The following DCC variants were observed in gnomAD, a reference collection of about 807,000 sequenced individuals.
DCC encodes the protein netrin receptor DCC.
In DCC, 58 loss-of-function variants were observed where a neutral mutation model predicts 172.5. The ratio of observed to expected loss-of-function variants is 0.34; its 90% CI spans 0.27 to 0.42. The LOEUF (loss-of-function observed/expected upper bound fraction) is 0.42, where lower values mean the gene tolerates loss of function less well. Ranked by LOEUF, DCC falls within the 10% of genes least tolerant of loss-of-function variation. DCC has a pLI of 1.00. For missense variants in DCC, 1,740 were observed against 1,791.0 expected (o/e 0.97, Z 0.51); for synonymous variants, 709 against 644.5 (o/e 1.10, Z -1.52).
chr18:53,431,469 T>G (rs1039626400), intron 21 of DCC, among the ~76,000 whole-genome samples: 2 of 125,780 alleles, frequency 1.6e-5, no homozygotes, highest in Non-Finnish European at 3.9e-5. Context: ...TACACTTTGT[T>G]TTTTGTTGTT....
intron 1 of DCC, among the ~76,000 whole-genome samples, chr18:52,490,282 G>A (rs1037439064): frequency 1.3e-5 from 2 of 152,060 alleles, no homozygotes; most frequent in South Asian, 2.1e-4. Context: ...AAAATAGGAA[G>A]TTTTCCTCTT....
intron 5 of DCC, among the ~76,000 whole-genome samples, chr18:52,926,945 G>T (rs2040215242): frequency 1.5e-5 from 1 of 67,054 alleles, no homozygotes. Flanking sequence ...AAACGTATAT[G>T]ATATATACAC....
chr18:53,515,362 G>A (rs1274022128), intron 27 of DCC, among the ~76,000 whole-genome samples: 1 of 150,490 alleles, frequency 6.6e-6, no homozygotes, highest in Non-Finnish European at 1.5e-5. Flanking sequence ...GGCAAAAACT[G>A]GAAGCATTCC....
At chr18:53,107,545 A>G (rs1364417460) in intron 7 of DCC, among the ~76,000 whole-genome samples, 7 of 151,268 alleles carry the variant, frequency 4.6e-5, no homozygotes, top group Non-Finnish European at 8.9e-5. Context: ...AGGAAGGAAA[A>G]AAAAAAAAAG....
At chr18:53,471,861 T>C (rs1488347341) in intron 25 of DCC, among the ~76,000 whole-genome samples, 1 of 152,196 alleles carries the variant, frequency 6.6e-6, no homozygotes, top group Non-Finnish European at 1.5e-5. Context: ...CATTTTTCTT[T>C]TTTAATGCAT....
chr18:52,631,666 A>T (rs1160709986), intron 1 of DCC, among the ~76,000 whole-genome samples: 1 of 152,190 alleles, frequency 6.6e-6, no homozygotes, highest in Admixed American at 6.5e-5. Context: ...CAGGTTTTAC[A>T]AATTTTGTCG....
Position 52,451,690 on chromosome 18 carries a change from A to G in DCC, c.91+110812A>G, listed in dbSNP as rs542848673. Among the ~76,000 whole-genome samples the G allele has an allele frequency of 4.0e-5, 6 of 150,226 alleles. No individual in the cohort carries two copies. In the East Asian group the frequency reaches 7.8e-4, roughly 19 times the overall value. On this transcript the variant is annotated intron_variant, in intron 1 of 28. Coordinates refer to ENST00000442544, the MANE Select transcript of DCC (RefSeq NM_005215.4). ...AGTGTGTGGGCGTGTGTGTGTATGT[A>G]TGTGTGTGTGTGTGTGTACCTAATG...
intron 1 of DCC, among the ~76,000 whole-genome samples, chr18:52,699,909 T>C (rs960313600): frequency 2.0e-5 from 3 of 152,174 alleles, no homozygotes; most frequent in Non-Finnish European, 2.9e-5. Context: ...TGGTCTTTAG[T>C]ATATTCACAG....
At chr18:53,408,025 G>A (rs924059731) in intron 19 of DCC, among the ~76,000 whole-genome samples, 1 of 151,954 alleles carries the variant, frequency 6.6e-6, no homozygotes, top group African/African-American at 2.4e-5. Context: ...TTTTAGTTTC[G>A]AAGCTCTCAA....
chr18:52,815,780 A>G (rs953422125), intron 2 of DCC, among the ~76,000 whole-genome samples: 7 of 152,358 alleles, frequency 4.6e-5, no homozygotes, highest in Middle Eastern at 3.4e-3. Flanking sequence ...ACTATGATAT[A>G]TCTCCAATGA....
intron 1 of DCC, chr18:52,409,287 A>G (rs928835707): frequency 2.0e-5 from 3 of 152,108 alleles, no homozygotes; most frequent in Admixed American, 6.6e-5. Context: ...TCCAAAGGCA[A>G]CTGATTCTGT....
chr18:52,911,670 A>T (rs1047705712), intron 3 of DCC, among the ~76,000 whole-genome samples: 2 of 151,876 alleles, frequency 1.3e-5, no homozygotes, highest in Non-Finnish European at 2.9e-5. Flanking sequence ...CACCCAAAAA[A>T]CGGAAGTGAA....
chr18:52,745,885 A>T (rs2036898688), intron 1 of DCC, among the ~76,000 whole-genome samples: 1 of 152,166 alleles, frequency 6.6e-6, no homozygotes, highest in Non-Finnish European at 1.5e-5. Context: ...TTGCTAGTCT[A>T]GGGACTGTAC....
chr18:52,920,820 C>A (rs2040113310), intron 3 of DCC, among the ~76,000 whole-genome samples: 1 of 151,972 alleles, frequency 6.6e-6, no homozygotes, highest in Admixed American at 6.6e-5. Flanking sequence ...TACATCTAGA[C>A]AATGGATTAT....
chr18:52,675,477 G>A (rs1200681760), intron 1 of DCC, among the ~76,000 whole-genome samples: 2 of 152,030 alleles, frequency 1.3e-5, no homozygotes, highest in Admixed American at 6.6e-5. Flanking sequence ...CCAAATCAAC[G>A]TATTTCCTAA....
chr18:53,344,676 A>C (rs2057702975), intron 15 of DCC, among the ~76,000 whole-genome samples: 1 of 151,692 alleles, frequency 6.6e-6, no homozygotes, highest in African/African-American at 2.4e-5. Flanking sequence ...TCCTGATGTC[A>C]TGATCCATCC....
At position 53,215,468 on chromosome 18, in the gene DCC, A is replaced by G. The variant is rs1309021793; in HGVS notation, c.1862-80A>G. 5.3e-6 allele frequency: 6 copies of G among 1,138,992 alleles called. No individual in the cohort carries two copies. In the African/African-American group the frequency reaches 6.1e-5, roughly 12 times the overall value. The allele number at this position is 1,138,992 out of a possible 1,614,324, so 70.6% of individuals were successfully genotyped here. A position where few individuals can be genotyped will look rare whatever the true frequency, so the allele number is the denominator to read the frequency against. On this transcript the variant is annotated intron_variant, in intron 11 of 28. Transcript: ENST00000442544. Reference sequence around the variant, plus strand: ...TTATAAACTATATAAACAAAACCACACTCTCTTTTTACTAGACAGGTGGTA... The same window carrying G: ...TTATAAACTATATAAACAAAACCACGCTCTCTTTTTACTAGACAGGTGGTA...
intron 7 of DCC, among the ~76,000 whole-genome samples, chr18:53,110,662 T>C (rs1162500097): frequency 1.3e-5 from 2 of 148,706 alleles, no homozygotes; most frequent in African/African-American, 5.0e-5. Flanking sequence ...TCACCATCAC[T>C]GGCCATCAGA....
At chr18:52,493,456 C>G (rs59313988) in intron 1 of DCC, among the ~76,000 whole-genome samples, 9,286 of 152,080 alleles carry the variant, frequency 0.061, 346 homozygotes, top group East Asian at 0.084. Context: ...ACTCTTCAAA[C>G]AGAAAAGTGA....
Sources: allele counts gnomAD v4.1 joint callset (sites outside exome capture counted in the v4.1 genomes callset), GRCh38; gene constraint gnomAD v4.1.1; transcripts MANE v1.5; gene names NCBI Gene and HGNC (gene_info 2026-07-23, HGNC 2026-07-21).